TMEM67: variants seen among roughly 807,000 people sequenced by gnomAD.
TMEM67 encodes the protein meckelin.
Under a neutral mutation model 136.6 loss-of-function variants are expected in TMEM67, and 124 were observed. That is an observed-to-expected ratio of 0.91 (90% CI 0.78 to 1.05). The LOEUF (loss-of-function observed/expected upper bound fraction) is 1.05. Among genes scored for constraint, TMEM67 ranks in the 50% least tolerant of loss-of-function variants. The pLI, the probability that TMEM67 is intolerant of heterozygous loss-of-function variation, is 0.00. For missense variants in TMEM67, 1,107 were observed against 1,178.4 expected (o/e 0.94, Z 0.89); for synonymous variants, 364 against 390.5 (o/e 0.93, Z 0.80).
intron 6 of TMEM67, among the ~76,000 whole-genome samples, chr8:93,770,594 T>C (rs1813286696): frequency 6.6e-6 from 1 of 152,200 alleles, no homozygotes; most frequent in Non-Finnish European, 1.5e-5. Context: ...TTCTGATTGT[T>C]TTCTCATGAT....
At position 93,791,149 on chromosome 8, in the gene TMEM67, G is replaced by T. The variant is rs1814357015; in HGVS notation, c.1519-114G>T. 4.3e-6 allele frequency: 3 copies of T among 698,008 alleles called. No homozygotes were observed. In the East Asian group the frequency reaches 8.2e-5, roughly 19 times the overall value. The allele number at this position is 698,008 out of a possible 1,614,324, so 43.2% of individuals were successfully genotyped here. A position where few individuals can be genotyped will look rare whatever the true frequency, so the allele number is the denominator to read the frequency against. ...AAGGTCAACTCTAGTAATATTGATA[G>T]TTAAAAACTATAGTGTTTATGGTAA... On this transcript the variant is annotated intron_variant, in intron 14 of 27. Transcript: ENST00000453321.
chr8:93,826,184 C>G, the TMEM67 span, among the ~76,000 whole-genome samples: 3 of 121,142 alleles, frequency 2.5e-5, no homozygotes, highest in African/African-American at 9.4e-5. Flanking sequence ...GGCCGGACTG[C>G]AGTGGCGCTA....
Position 93,816,493 on chromosome 8 carries a change from C to A in TMEM67, c.*41C>A. The A allele has an allele frequency of 2.6e-6, 3 of 1,169,564 alleles. No individual in the cohort carries two copies. Among genetic ancestry groups the A allele is most frequent in the Middle Eastern group, 2.0e-4 (1 of 4,936 alleles). The allele number at this position is 1,169,564 out of a possible 1,614,324, so 72.4% of individuals were successfully genotyped here. A position where few individuals can be genotyped will look rare whatever the true frequency, so the allele number is the denominator to read the frequency against. On this transcript the variant is annotated 3_prime_UTR_variant, in exon 28 of 28. Coordinates refer to ENST00000453321, the MANE Select transcript of TMEM67 (RefSeq NM_153704.6). ...ACTTAAAGACTCAGTATAATCATGG[C>A]CAAAAAAAAGTCATGATATCAGGTT...
At chr8:93,808,419 A>T (rs1279251394) in intron 23 of TMEM67, among the ~76,000 whole-genome samples, 1 of 21,392 alleles carries the variant, frequency 4.7e-5, no homozygotes, top group African/African-American at 1.8e-4. Context: ...TCTATTATAG[A>T]TATATATTTA....
chr8:93,761,110 G>T (rs1168620006), intron 3 of TMEM67, among the ~76,000 whole-genome samples: 2 of 152,236 alleles, frequency 1.3e-5, no homozygotes, highest in East Asian at 3.9e-4. Context: ...AGGAGTTCAA[G>T]ACCAGCCTGA....
chr8:93,826,667 A>C, the TMEM67 span, among the ~76,000 whole-genome samples: 1 of 152,156 alleles, frequency 6.6e-6, no homozygotes, highest in Admixed American at 6.6e-5. Flanking sequence ...TTATAAGCCC[A>C]ATGATCTCTA....
chr8:93,779,499 T>C (rs1181271098), intron 7 of TMEM67, among the ~76,000 whole-genome samples: 1 of 152,204 alleles, frequency 6.6e-6, no homozygotes, highest in Non-Finnish European at 1.5e-5. Flanking sequence ...TGGTTTTACC[T>C]ACCTTTGGTC....
downstream of TMEM67, among the ~76,000 whole-genome samples, chr8:93,820,253 T>A (rs1297753357): frequency 6.6e-6 from 1 of 152,028 alleles, no homozygotes; most frequent in Admixed American, 6.6e-5. Context: ...AACTTTCCTG[T>A]CTCCCCTTGT....
At chr8:93,766,409 C>G (rs1460397800) in intron 6 of TMEM67, among the ~76,000 whole-genome samples, 1 of 152,150 alleles carries the variant, frequency 6.6e-6, no homozygotes, top group Non-Finnish European at 1.5e-5. Context: ...TGAGCCACTG[C>G]GCCCAGCCAG....
chr8:93,761,466 G>T (rs561791853), intron 3 of TMEM67, among the ~76,000 whole-genome samples: 4 of 152,192 alleles, frequency 2.6e-5, no homozygotes, highest in Non-Finnish European at 5.9e-5. Context: ...TGCCTGGAAA[G>T]CTCTCATCTA....
chr8:93,806,544 T>C (rs1053885822), intron 23 of TMEM67, among the ~76,000 whole-genome samples: 6 of 152,144 alleles, frequency 3.9e-5, no homozygotes, highest in African/African-American at 1.4e-4. Context: ...CTCTCTACTA[T>C]GTACATTTGG....
chr8:93,790,821 TCTC>T (rs1222764908), intron 14 of TMEM67, among the ~76,000 whole-genome samples: 3 of 152,206 alleles, frequency 2.0e-5, no homozygotes, highest in Non-Finnish European at 4.4e-5. Flanking sequence ...ACAGTCCTCT[TCTC>T]TGACCCTTTA....
chr8:93,817,678 C>A lies in TMEM67; in HGVS notation c.*1226C>A, dbSNP rs973194242. On this transcript the variant is annotated 3_prime_UTR_variant, in exon 28 of 28. Transcript: ENST00000453321. ...CTAAAACATTTGGTATTTCTGTTTT[C>A]TGTTTCATTAATGTATATCTGATGG... The A allele has an allele frequency of 2.0e-5, 3 of 152,008 alleles. No homozygotes were observed. The highest frequency in any genetic ancestry group is 4.4e-5 in the Non-Finnish European group (3 of 67,994). 9.4% of individuals were successfully genotyped at this position (152,008 alleles called of 1,614,324 possible).
chr8:93,800,874 A>G (rs544330223), intron 21 of TMEM67, among the ~76,000 whole-genome samples: 70 of 152,228 alleles, frequency 4.6e-4, no homozygotes, highest in Non-Finnish European at 8.1e-4. Context: ...ACATTTATTT[A>G]TATCATGAAA....
Position 93,758,021 on chromosome 8 carries a change from G to T in TMEM67, c.313-462G>T, listed in dbSNP as rs149236895. Among the ~76,000 whole-genome samples the T allele has an allele frequency of 6.5e-3, 988 of 152,260 alleles. 13 individuals are homozygous for T. The highest frequency in any genetic ancestry group is 0.021 in the African/African-American group (884 of 41,556). ...TCCACCCACCTTGGCCTCCCAAAGT[G>T]CTGGAATTACAGACGTGAGCCACTG... On this transcript the variant is annotated intron_variant, in intron 2 of 27. Transcript: ENST00000453321.
At chr8:93,828,660 G>A in the TMEM67 span, among the ~76,000 whole-genome samples, 2 of 151,214 alleles carry the variant, frequency 1.3e-5, no homozygotes, top group Admixed American at 6.6e-5. Context: ...CAGGAGAATC[G>A]CTTGAACCTG....
At chr8:93,768,478 G>A (rs1813180650) in intron 6 of TMEM67, among the ~76,000 whole-genome samples, 1 of 151,608 alleles carries the variant, frequency 6.6e-6, no homozygotes, top group African/African-American at 2.4e-5. Context: ...TGGGTGTGGT[G>A]GTGCCCTCTG....
Position 93,816,594 on chromosome 8 carries a change from T to C in TMEM67, c.*142T>C. On this transcript the variant is annotated 3_prime_UTR_variant, in exon 28 of 28. Transcript: ENST00000453321. ...TTTTATTTGCAGAAAGATTTATTTT[T>C]ATAACTTGGGAATATATAACCTGAT... The C allele has an allele frequency of 1.9e-6, 1 of 536,850 alleles. No individual in the cohort carries two copies. 33.3% of individuals were successfully genotyped at this position (536,850 alleles called of 1,614,324 possible). A position where few individuals can be genotyped will look rare whatever the true frequency, so the allele number is the denominator to read the frequency against.
chr8:93,800,946 G>A (rs1474944239), intron 21 of TMEM67, among the ~76,000 whole-genome samples: 1 of 149,320 alleles, frequency 6.7e-6, no homozygotes, highest in East Asian at 2.0e-4. Flanking sequence ...TAAAATGACT[G>A]AAAGTAAAAA....
Sources: allele counts gnomAD v4.1 joint callset (sites outside exome capture counted in the v4.1 genomes callset), GRCh38; gene constraint gnomAD v4.1.1; transcripts MANE v1.5; gene names NCBI Gene and HGNC (gene_info 2026-07-23, HGNC 2026-07-21).